MGAM2: variants seen among roughly 807,000 people sequenced by gnomAD.
MGAM2 encodes the protein probable maltase-glucoamylase 2.
In MGAM2, 98 loss-of-function variants were observed where a neutral mutation model predicts 96.1. That is an observed-to-expected ratio of 1.02 (90% CI 0.87 to 1.21). The LOEUF is 1.21. Ranked by LOEUF, MGAM2 falls within the 50% of genes most tolerant of loss-of-function variation. The probability of loss-of-function intolerance (pLI) is 0.00; values close to 1 mark genes in which losing one functional copy is unlikely to be tolerated. For synonymous variants in MGAM2, 749 were observed against 414.8 expected, an observed-to-expected ratio of 1.81 and a Z score of -9.79; for missense variants, 2,055 against 1,182.4, an observed-to-expected ratio of 1.74 and a Z score of -10.82.
chr7:142,203,467 T>C (rs10085557), intron 45 of MGAM2, among the ~76,000 whole-genome samples: 151,771 of 152,264 alleles, frequency 1, 75,642 homozygotes, highest in Middle Eastern at 1. Flanking sequence ...AAACTAGCAA[T>C]GTCATTTTTC....
Position 142,220,741 on chromosome 7 carries a change from C to T in MGAM2, c.6230C>T (p.Thr2077Ile), listed in dbSNP as rs1487760049. 3 of 702,122 alleles carry T rather than the reference C, an allele frequency of 4.3e-6. No individual in the cohort carries two copies. The highest frequency in any genetic ancestry group is 7.8e-6 in the Non-Finnish European group (3 of 384,814). The allele number at this position is 702,122 out of a possible 1,614,324, so 43.5% of individuals were successfully genotyped here. A position where few individuals can be genotyped will look rare whatever the true frequency, so the allele number is the denominator to read the frequency against. ...TNTADANTSN[T>I]VPNTTMPSPT... The stretch of plus-strand genomic sequence containing the variant: ...ACTGCTGATGCTAACACTAGTAATA[C>T]TGTTCCTAATACCACTATGCCTTCT... Residue 2077 changes from threonine (T) to isoleucine (I), a missense_variant, in exon 48 of 48, where the codon ACT (threonine) becomes ATT (isoleucine). Coordinates refer to ENST00000477922, the MANE Select transcript of MGAM2 (RefSeq NM_001293626.2).
intron 24 of MGAM2, among the ~76,000 whole-genome samples, chr7:142,165,271 G>A (rs1014720515): frequency 1.2e-4 from 19 of 152,140 alleles, no homozygotes; most frequent in African/African-American, 4.1e-4. Flanking sequence ...TTCTCTGGGC[G>A]CAGTTAAAAT....
chr7:142,194,252 G>A (rs550904715), intron 37 of MGAM2, among the ~76,000 whole-genome samples: 3 of 152,196 alleles, frequency 2.0e-5, no homozygotes, highest in African/African-American at 7.2e-5. Flanking sequence ...GGCTAGTCTC[G>A]AACTGCTGAC....
chr7:142,152,414 TCTC>T (rs1795608461), intron 15 of MGAM2, among the ~76,000 whole-genome samples: 1 of 152,126 alleles, frequency 6.6e-6, no homozygotes. Context: ...GAGTGAGTCC[TCTC>T]CTCCAACCTA....
intron 8 of MGAM2, 38 bp from the exon 9 acceptor site, chr7:142,137,373 GCAGAGAAGAGTTTACTTCCAAC>G (rs1239990533): frequency 1.1e-5 from 7 of 634,350 alleles, no homozygotes; most frequent in Non-Finnish European, 1.7e-5. Flanking sequence ...TATTTCTACT[GCAGAGAAGAGTTTACTTCCAAC>G]CATAAGATTC....
At chr7:142,118,324 T>C (rs1374757073) in intron 2 of MGAM2, among the ~76,000 whole-genome samples, 2 of 152,196 alleles carry the variant, frequency 1.3e-5, no homozygotes, top group South Asian at 2.1e-4. Flanking sequence ...TTCATCCATG[T>C]TGTTGCATAT....
Position 142,220,385 on chromosome 7 carries a change from C to T in MGAM2, c.5874C>T (p.Pro1958=), listed in dbSNP as rs570828834. 1.6e-4 allele frequency: 114 copies of T among 696,420 alleles called. No homozygotes were observed. The highest frequency in any genetic ancestry group is 1.4e-3 in the African/African-American group (77 of 55,282). 43.1% of individuals were successfully genotyped at this position (696,420 alleles called of 1,614,324 possible). A position where few individuals can be genotyped will look rare whatever the true frequency, so the allele number is the denominator to read the frequency against. ...GTGTTACAACTAATGCTACTGTTCC[C>T]GATACAACTGCCCCTTTCCCAACAA... The part of the protein sequence containing the change: ...TIGVTTNATV[P]DTTAPFPTNT... Residue 1958 remains proline, a synonymous_variant, in exon 48 of 48, where the codon CCC becomes CCT. Coordinates refer to ENST00000477922, the MANE Select transcript of MGAM2 (RefSeq NM_001293626.2).
chr7:142,204,533 A>C (rs1269623957), intron 45 of MGAM2, among the ~76,000 whole-genome samples: 1 of 152,002 alleles, frequency 6.6e-6, no homozygotes, highest in Non-Finnish European at 1.5e-5. Flanking sequence ...GTAACTTTCT[A>C]GTTGTATATC....
At chr7:142,157,065 G>C (rs1358169318) in intron 17 of MGAM2, among the ~76,000 whole-genome samples, 1 of 151,962 alleles carries the variant, frequency 6.6e-6, no homozygotes, top group Non-Finnish European at 1.5e-5. Flanking sequence ...TTTGGGATAG[G>C]GAAAATAAAA....
intron 46 of MGAM2, among the ~76,000 whole-genome samples, chr7:142,210,162 C>T (rs894168164): frequency 2.0e-5 from 3 of 152,142 alleles, no homozygotes; most frequent in African/African-American, 7.2e-5. Flanking sequence ...GCTATCTGGC[C>T]CAGATACTAC....
In MGAM2 at chr7:142,148,232, C is replaced by T. The variant is rs555249942; in HGVS notation, c.1634+659C>T. Among the ~76,000 whole-genome samples the T allele has an allele frequency of 3.1e-3, 474 of 151,996 alleles. 11 individuals are homozygous for T. Among genetic ancestry groups the T allele is most frequent in the Non-Finnish European group, 5.0e-4 (34 of 67,964 alleles). Reference sequence around the variant, plus strand: ...CCACCATCACTACCACTACTATCACCATCACCACCACCACAGTTATCACCA... The same window carrying T: ...CCACCATCACTACCACTACTATCACTATCACCACCACCACAGTTATCACCA... On this transcript the variant is annotated intron_variant, in intron 15 of 47. Coordinates refer to ENST00000477922, the MANE Select transcript of MGAM2 (RefSeq NM_001293626.2). This position sits in a 1 kb window ranked among gnomAD's most constrained non-coding sequence, Gnocchi z 4.2.
rs569896212 is a variant in MGAM2, at chr7:142,154,119, C to G, written c.1736C>G (p.Ala579Gly). 5 of 690,930 alleles carry G rather than the reference C, an allele frequency of 7.2e-6. No homozygotes were observed. In the South Asian group the frequency reaches 7.6e-5, roughly 11 times the overall value. The allele number at this position is 690,930 out of a possible 1,614,324, so 42.8% of individuals were successfully genotyped here. A position where few individuals can be genotyped will look rare whatever the true frequency, so the allele number is the denominator to read the frequency against. The change falls in exon 16 of 48, where the codon GCG becomes GGG. Residue 579 changes from alanine to glycine, a missense_variant. Transcript: ENST00000477922. The part of the protein sequence containing the change: ...KFAAHWLGDN[A>G]ATWDDLRWSI... ...GCTGCTCATTGGCTGGGGGACAATG[C>G]GGCCACATGGGATGACCTCCGATGG...
At position 142,142,322 on chromosome 7, in the gene MGAM2, A is replaced by G. The variant is rs567166699; in HGVS notation, c.1317+1203A>G. On this transcript the variant is annotated intron_variant, in intron 12 of 47. Coordinates refer to ENST00000477922, the MANE Select transcript of MGAM2 (RefSeq NM_001293626.2). Reference sequence around the variant, plus strand: ...ATTTAGAGTCCATAGTCAAATAAAAATTATTTTGCTCACCTAAAATTTTAT... The same window carrying G: ...ATTTAGAGTCCATAGTCAAATAAAAGTTATTTTGCTCACCTAAAATTTTAT... 5.3e-4 allele frequency among the ~76,000 whole-genome samples: 81 copies of G among 152,264 alleles called. 1 individual carries two copies. In the Middle Eastern group the frequency reaches 0.041, roughly 77 times the overall value.
At chr7:142,212,924 A>G (rs745642174) in intron 46 of MGAM2, among the ~76,000 whole-genome samples, 25 of 152,322 alleles carry the variant, frequency 1.6e-4, no homozygotes, top group Non-Finnish European at 1.3e-4. Context: ...AATCAACCAC[A>G]TAATTGGAAG....
intron 32 of MGAM2, among the ~76,000 whole-genome samples, chr7:142,177,713 T>C (rs1023553772): frequency 3.3e-5 from 5 of 152,234 alleles, no homozygotes; most frequent in Admixed American, 2.0e-4. Flanking sequence ...ATTCTTTTTA[T>C]GGCTGTGTAT....
At chr7:142,212,993 C>T (rs887647089) in intron 46 of MGAM2, among the ~76,000 whole-genome samples, 11 of 152,092 alleles carry the variant, frequency 7.2e-5, no homozygotes, top group East Asian at 5.8e-4. Flanking sequence ...TCTCTCAGAC[C>T]GCAGTGCAAT....
intron 2 of MGAM2, among the ~76,000 whole-genome samples, chr7:142,118,364 T>A (rs1479915341): frequency 1.3e-5 from 2 of 152,164 alleles, no homozygotes; most frequent in Non-Finnish European, 2.9e-5. Context: ...GACAATTTTT[T>A]ATTGAAATAT....
intron 33 of MGAM2, among the ~76,000 whole-genome samples, chr7:142,183,764 A>G (rs908126935): frequency 2.6e-5 from 4 of 152,112 alleles, no homozygotes; most frequent in Non-Finnish European, 4.4e-5. Context: ...TAAGTCCTAT[A>G]GATTCTCCTC....
chr7:142,196,454 T>C, intron 38 of MGAM2, 111 bp from the exon 39 acceptor site: 1 of 669,046 alleles, frequency 1.5e-6, no homozygotes, highest in Admixed American at 2.4e-5. Flanking sequence ...TCTTTTAATA[T>C]TTTCATCATG....
Sources: gnomAD v4.1 joint callset for allele counts (sites outside exome capture counted in the v4.1 genomes callset) on GRCh38, gnomAD v4.1.1 for gene constraint, Gnocchi (gnomAD v3.1) non-coding constraint, MANE v1.5 for transcripts, NCBI Gene and HGNC (gene_info 2026-07-23, HGNC 2026-07-21) for gene names.